The following PTPRG variants were observed in gnomAD, a reference collection of about 807,000 sequenced individuals.
PTPRG encodes the protein protein tyrosine phosphatase receptor type G.
PTPRG carries 102 observed loss-of-function variants against 165.3 expected under a neutral mutation model. The observed-to-expected ratio is 0.62, with a 90% CI of 0.53 to 0.73. The LOEUF (loss-of-function observed/expected upper bound fraction) is 0.73. PTPRG is among the 30% of genes least tolerant of loss of function. The probability of loss-of-function intolerance (pLI) is 0.00; values close to 1 mark genes in which losing one functional copy is unlikely to be tolerated. For missense variants in PTPRG, 1,866 were observed against 1,861.4 expected, an observed-to-expected ratio of 1.00 and a Z score of -0.05; for synonymous variants, 675 against 669.5, an observed-to-expected ratio of 1.01 and a Z score of -0.13.
intron 5 of PTPRG, among the ~76,000 whole-genome samples, chr3:62,099,641 T>C (rs1702221774): frequency 2.0e-5 from 3 of 152,098 alleles, no homozygotes; most frequent in African/African-American, 7.2e-5. Context: ...TAATTAATAC[T>C]GTTATTGATA....
chr3:61,713,856 C>G (rs907103220), intron 1 of PTPRG, among the ~76,000 whole-genome samples: 1 of 152,158 alleles, frequency 6.6e-6, no homozygotes, highest in Non-Finnish European at 1.5e-5. Context: ...TGTTAATAGA[C>G]ATTGTGCTAA....
At chr3:61,911,722 TTC>T (rs1384751097) in intron 2 of PTPRG, among the ~76,000 whole-genome samples, 1 of 152,188 alleles carries the variant, frequency 6.6e-6, no homozygotes, top group Non-Finnish European at 1.5e-5. Flanking sequence ...ATAAATTAAT[TTC>T]TTTTTTCCCC....
At chr3:61,812,145 G>A (rs111453918) in intron 2 of PTPRG, among the ~76,000 whole-genome samples, 5 of 152,124 alleles carry the variant, frequency 3.3e-5, no homozygotes, top group South Asian at 2.1e-4. Context: ...CCAATATAAC[G>A]CATTCTTACT....
At chr3:61,904,139 G>T (rs762745337) in intron 2 of PTPRG, among the ~76,000 whole-genome samples, 4 of 152,080 alleles carry the variant, frequency 2.6e-5, no homozygotes, top group South Asian at 2.1e-4. Context: ...CCTCTCTGGC[G>T]TAACCTCATC....
intron 1 of PTPRG, among the ~76,000 whole-genome samples, chr3:61,620,218 A>G (rs1184579809): frequency 6.6e-6 from 1 of 152,130 alleles, no homozygotes; most frequent in Non-Finnish European, 1.5e-5. Flanking sequence ...AACAGGGTTC[A>G]TTTACATTTT....
chr3:61,923,695 T>TC, intron 2 of PTPRG, among the ~76,000 whole-genome samples: 1 of 144,624 alleles, frequency 6.9e-6, no homozygotes, highest in East Asian at 2.0e-4. Flanking sequence ...TTTTTGTATT[T>TC]TTTTTTTTTT....
chr3:61,978,837 T>C (rs2040569665), intron 2 of PTPRG, among the ~76,000 whole-genome samples: 1 of 152,120 alleles, frequency 6.6e-6, no homozygotes, highest in African/African-American at 2.4e-5. Flanking sequence ...TAAAAACAGG[T>C]TGTGGGCTGG....
intron 2 of PTPRG, among the ~76,000 whole-genome samples, chr3:61,977,322 G>C (rs2040534648): frequency 6.6e-6 from 1 of 151,832 alleles, no homozygotes; most frequent in South Asian, 2.1e-4. Flanking sequence ...AGAGTTCATT[G>C]AGAATGTCCT....
chr3:62,080,984 G>A (rs557669260), intron 5 of PTPRG, among the ~76,000 whole-genome samples: 41 of 152,242 alleles, frequency 2.7e-4, no homozygotes, highest in East Asian at 7.8e-4. Flanking sequence ...GAGGCCGGGC[G>A]CGGTGGCTCA....
At chr3:62,083,538 C>T (rs1286787593) in intron 5 of PTPRG, among the ~76,000 whole-genome samples, 1 of 152,190 alleles carries the variant, frequency 6.6e-6, no homozygotes, top group East Asian at 1.9e-4. Context: ...CCCAGGTTTA[C>T]ATGAAATAGA....
At chr3:62,009,400 T>G (rs2041367304) in intron 4 of PTPRG, among the ~76,000 whole-genome samples, 1 of 152,216 alleles carries the variant, frequency 6.6e-6, no homozygotes. Flanking sequence ...CTGACCTTGT[T>G]CTGTGATCGA....
chr3:62,257,145 C>T (rs1405425690), intron 16 of PTPRG, among the ~76,000 whole-genome samples: 6 of 151,940 alleles, frequency 3.9e-5, no homozygotes, highest in East Asian at 3.9e-4. Flanking sequence ...AAAGCAGCAA[C>T]GTAAAGGGGA....
chr3:62,162,933 AT>A (rs1704824325), intron 7 of PTPRG, among the ~76,000 whole-genome samples: 1 of 152,214 alleles, frequency 6.6e-6, no homozygotes, highest in Non-Finnish European at 1.5e-5. Flanking sequence ...AGACTGGGTA[AT>A]TTATTAGAAA....
rs1000621591 is a variant in PTPRG, at chr3:62,159,528, T to C, written c.840+2304T>C. Among the ~76,000 whole-genome samples the C allele has an allele frequency of 2.6e-4, 39 of 152,218 alleles. 1 individual carries two copies. The highest frequency in any genetic ancestry group is 9.4e-4 in the African/African-American group (39 of 41,546). ...TTTGGGGCTTGGATGTTTTGCCAAG[T>C]GTTTGTCTTTTAGAAGCATTTTGAT... On this transcript the variant is annotated intron_variant, in intron 7 of 29. Transcript: ENST00000474889.
intron 4 of PTPRG, among the ~76,000 whole-genome samples, chr3:62,018,857 G>A (rs536949385): frequency 1.1e-4 from 17 of 152,166 alleles, no homozygotes; most frequent in Admixed American, 2.6e-4. Context: ...GGTATAGAAG[G>A]CACGCTGGAT....
At chr3:61,595,756 C>A (rs1575526282) in intron 1 of PTPRG, among the ~76,000 whole-genome samples, 1 of 152,154 alleles carries the variant, frequency 6.6e-6, no homozygotes, top group Non-Finnish European at 1.5e-5. Flanking sequence ...GTAACTGATT[C>A]ATATAGTAGC....
intron 6 of PTPRG, among the ~76,000 whole-genome samples, chr3:62,137,872 A>G (rs573420751): frequency 6.6e-6 from 1 of 152,368 alleles, no homozygotes; most frequent in African/African-American, 2.4e-5. Flanking sequence ...CTCATGAGGC[A>G]TCCACTTATC....
intron 13 of PTPRG, among the ~76,000 whole-genome samples, chr3:62,227,843 TG>T (rs1700795545): frequency 6.6e-6 from 1 of 152,238 alleles, no homozygotes; most frequent in South Asian, 2.1e-4. Flanking sequence ...TTAGCTAACA[TG>T]TTTTTTTAAA....
intron 20 of PTPRG, among the ~76,000 whole-genome samples, chr3:62,270,248 T>G (rs1469406007): frequency 6.6e-6 from 1 of 152,150 alleles, no homozygotes; most frequent in Non-Finnish European, 1.5e-5. Flanking sequence ...TGTAGCCTCC[T>G]TGCCCCATTT....
Sources: gnomAD v4.1 joint callset for allele counts (sites outside exome capture counted in the v4.1 genomes callset) on GRCh38, gnomAD v4.1.1 for gene constraint, MANE v1.5 for transcripts, NCBI Gene and HGNC (gene_info 2026-07-23, HGNC 2026-07-21) for gene names.